FARS2: variants seen among roughly 807,000 people sequenced by gnomAD.
FARS2 encodes phenylalanyl-tRNA synthetase 2, mitochondrial, also known as phenylalanine--tRNA ligase, mitochondrial.
FARS2 carries 40 observed loss-of-function variants against 46.4 expected under a neutral mutation model. The observed-to-expected ratio is 0.86, with a 90% CI of 0.67 to 1.12. The LOEUF (loss-of-function observed/expected upper bound fraction) is 1.12, where lower values mean the gene tolerates loss of function less well. Among genes scored for constraint, FARS2 ranks in the 50% most tolerant of loss-of-function variants. FARS2 has a pLI of 0.00. For synonymous variants in FARS2, 234 were observed against 214.9 expected, an observed-to-expected ratio of 1.09 and a Z score of -0.78; for missense variants, 513 against 567.9, an observed-to-expected ratio of 0.90 and a Z score of 0.98.
intron 1 of FARS2, among the ~76,000 whole-genome samples, chr6:5,363,270 C>T (rs1467052362): frequency 6.6e-6 from 1 of 152,008 alleles, no homozygotes; most frequent in African/African-American, 2.4e-5. Context: ...TGTTGAGTTG[C>T]GTGAGTTCCT....
intron 6 of FARS2, among the ~76,000 whole-genome samples, chr6:5,736,059 A>T (rs1760924152): frequency 6.6e-6 from 1 of 152,228 alleles, no homozygotes; most frequent in South Asian, 2.1e-4. Flanking sequence ...GGTTGCAGCC[A>T]AGATGTCAGC....
At chr6:5,568,485 G>A (rs1772449215) in intron 5 of FARS2, among the ~76,000 whole-genome samples, 1 of 152,136 alleles carries the variant, frequency 6.6e-6, no homozygotes, top group African/African-American at 2.4e-5. Flanking sequence ...GTGAGGGAGG[G>A]GCATTAATAT....
At chr6:5,481,190 C>T (rs981021506) in intron 4 of FARS2, among the ~76,000 whole-genome samples, 3 of 152,236 alleles carry the variant, frequency 2.0e-5, no homozygotes, top group Non-Finnish European at 2.9e-5. Context: ...ACGGGTACCA[C>T]CTGCCTCCAG....
chr6:5,312,844 G>T (rs1269562917), intron 1 of FARS2, among the ~76,000 whole-genome samples: 1 of 152,200 alleles, frequency 6.6e-6, no homozygotes, highest in African/African-American at 2.4e-5. Flanking sequence ...GGGGCTTCCT[G>T]TTGGTGACTT....
intron 1 of FARS2, among the ~76,000 whole-genome samples, chr6:5,264,801 A>G (rs1296109236): frequency 6.6e-6 from 1 of 152,050 alleles, no homozygotes; most frequent in Non-Finnish European, 1.5e-5. Flanking sequence ...AAGCGAAACA[A>G]TAATTTATTT....
chr6:5,691,010 T>G (rs571657354), intron 6 of FARS2, among the ~76,000 whole-genome samples: 9 of 152,376 alleles, frequency 5.9e-5, no homozygotes, highest in Admixed American at 3.9e-4. Flanking sequence ...GGCTTGTGCA[T>G]TCATCACATA....
intron 6 of FARS2, among the ~76,000 whole-genome samples, chr6:5,769,533 G>A (rs1390286334): frequency 6.6e-6 from 1 of 152,228 alleles, no homozygotes; most frequent in Non-Finnish European, 1.5e-5. Context: ...GGGGCAGTTT[G>A]GGCAGCAGTG....
At chr6:5,252,018 C>G in the FARS2 span, among the ~76,000 whole-genome samples, 2 of 152,168 alleles carry the variant, frequency 1.3e-5, no homozygotes, top group Admixed American at 1.3e-4. Context: ...ACAGCAATCA[C>G]AGATATCAGT....
chr6:5,443,316 C>T (rs970800404), intron 4 of FARS2, among the ~76,000 whole-genome samples: 1 of 152,188 alleles, frequency 6.6e-6, no homozygotes, highest in Non-Finnish European at 1.5e-5. Flanking sequence ...GGTATTGATG[C>T]AAGTGGTTCC....
intron 1 of FARS2, among the ~76,000 whole-genome samples, chr6:5,350,188 T>C (rs111421164): frequency 7.5e-6 from 1 of 132,780 alleles, no homozygotes. Context: ...TTTTTTTTTT[T>C]GTAGAGTTGG....
chr6:5,384,032 T>C (rs1157831209), intron 2 of FARS2, among the ~76,000 whole-genome samples: 1 of 152,162 alleles, frequency 6.6e-6, no homozygotes, highest in East Asian at 1.9e-4. Context: ...GCAGAATGGG[T>C]GAAGTTTTCT....
intron 1 of FARS2, among the ~76,000 whole-genome samples, chr6:5,348,595 A>G (rs1209729568): frequency 1.0e-5 from 1 of 97,936 alleles, no homozygotes; most frequent in African/African-American, 4.2e-5. Flanking sequence ...TGTAGTAAGG[A>G]TAGACATTAA....
At chr6:5,734,927 T>C (rs1189594005) in intron 6 of FARS2, among the ~76,000 whole-genome samples, 1 of 152,182 alleles carries the variant, frequency 6.6e-6, no homozygotes, top group African/African-American at 2.4e-5. Context: ...TATCTAGCTG[T>C]AGGTAGTTAA....
At chr6:5,680,921 A>G (rs1055450465) in intron 6 of FARS2, among the ~76,000 whole-genome samples, 11 of 152,240 alleles carry the variant, frequency 7.2e-5, no homozygotes, top group Admixed American at 3.9e-4. Context: ...AATCAAAGAA[A>G]TGTAATTTAA....
chr6:5,267,631 G>A (rs1765640291), intron 1 of FARS2, among the ~76,000 whole-genome samples: 1 of 151,782 alleles, frequency 6.6e-6, no homozygotes, highest in African/African-American at 2.4e-5. Flanking sequence ...GTGGGTGCCT[G>A]TAGTCCCAGC....
chr6:5,704,210 G>GGT (rs1188276282), intron 6 of FARS2, among the ~76,000 whole-genome samples: 2 of 152,190 alleles, frequency 1.3e-5, no homozygotes, highest in African/African-American at 4.8e-5. Context: ...CAGCAGATTT[G>GGT]GTGTCTGTGA....
intron 4 of FARS2, among the ~76,000 whole-genome samples, chr6:5,431,484 C>T (rs888474457): frequency 2.6e-5 from 4 of 152,198 alleles, no homozygotes; most frequent in Non-Finnish European, 5.9e-5. Flanking sequence ...ACATTTGCTG[C>T]ATGTCACAGG....
At chr6:5,604,375 T>A (rs566970349) in intron 5 of FARS2, among the ~76,000 whole-genome samples, 4 of 152,018 alleles carry the variant, frequency 2.6e-5, no homozygotes, top group Non-Finnish European at 5.9e-5. Flanking sequence ...ACAGGTCAGT[T>A]TCCCCCCCAG....
chr6:5,628,043 A>G (rs1378544741), intron 6 of FARS2, among the ~76,000 whole-genome samples: 1 of 152,240 alleles, frequency 6.6e-6, no homozygotes, highest in Non-Finnish European at 1.5e-5. Flanking sequence ...AGGGATTTTA[A>G]CGAGGTTGGT....
Sources: allele counts gnomAD v4.1 joint callset (sites outside exome capture counted in the v4.1 genomes callset), GRCh38; gene constraint gnomAD v4.1.1; transcripts MANE v1.5; gene names NCBI Gene and HGNC (gene_info 2026-07-23, HGNC 2026-07-21).